The following PI4KA variants were observed in gnomAD, a reference collection of about 807,000 sequenced individuals.
PI4KA encodes phosphatidylinositol 4-kinase alpha.
Under a neutral mutation model 271.4 loss-of-function variants are expected in PI4KA, and 122 were observed. That is an observed-to-expected ratio of 0.45 (90% CI 0.39 to 0.52). The LOEUF (loss-of-function observed/expected upper bound fraction) is 0.52, where lower values mean the gene tolerates loss of function less well. PI4KA is among the 20% of genes least tolerant of loss of function. The probability of loss-of-function intolerance (pLI) is 0.00; values close to 1 mark genes in which losing one functional copy is unlikely to be tolerated. For missense variants in PI4KA, 1,969 were observed against 2,769.1 expected (o/e 0.71, Z 6.48); for synonymous variants, 1,041 against 1,078.8 (o/e 0.96, Z 0.69).
intron 4 of PI4KA, among the ~76,000 whole-genome samples, chr22:20,823,840 C>G (rs1923027436): frequency 6.6e-6 from 1 of 152,036 alleles, no homozygotes; most frequent in African/African-American, 2.4e-5. Flanking sequence ...ACTTGGGAGT[C>G]TTAGGAGGGA....
At chr22:20,775,194 G>GAA (rs797021350) in intron 19 of PI4KA, among the ~76,000 whole-genome samples, 2 of 138,806 alleles carry the variant, frequency 1.4e-5, no homozygotes, top group Non-Finnish European at 3.1e-5. Flanking sequence ...AAGTTCCCAG[G>GAA]AAAAAAAAAA....
In PI4KA at chr22:20,729,993, C is replaced by T; in HGVS notation, c.4307G>A (p.Ser1436Asn). ...AGAGCCGACAGTTATGTCCAGGTTG[C>T]TCCGGGTGTCCTGATTATCTGAGGG... ...LVPPDNQDTR[S>N]NLDITVGSRQ... is the part of the protein sequence containing the mutation. The change falls in exon 37 of 55, where the codon AGC becomes AAC. Residue 1436 changes from serine to asparagine, a missense_variant. Physicochemically the swap from Ser to Asn is conservative, Grantham distance 46. This residue lies in a region of PI4KA where 23 missense variants were observed against 23.2 expected (regional missense o/e 0.99). Transcript: ENST00000255882. 6.2e-7 allele frequency: 1 copy of T among 1,614,164 alleles called. No homozygotes were observed. Among genetic ancestry groups the T allele is most frequent in the South Asian group, 1.1e-5 (1 of 91,084 alleles).
intron 3 of PI4KA, among the ~76,000 whole-genome samples, chr22:20,831,559 C>A (rs1924163989): frequency 6.6e-6 from 1 of 151,966 alleles, no homozygotes; most frequent in African/African-American, 2.4e-5. Flanking sequence ...TGGAGTGAGA[C>A]TCTTTCTCAA....
At chr22:20,725,717 G>GA in intron 42 of PI4KA, 1 of 286,318 alleles carries the variant, frequency 3.5e-6, no homozygotes, top group Non-Finnish European at 7.4e-6. Flanking sequence ...ACAACATAGC[G>GA]AAACTCCATC....
intron 12 of PI4KA, among the ~76,000 whole-genome samples, chr22:20,803,808 G>A (rs983101999): frequency 6.6e-5 from 10 of 152,178 alleles, no homozygotes; most frequent in East Asian, 1.9e-4. Context: ...GTGAGCAACC[G>A]TACCTGGCCA....
chr22:20,798,977 T>C lies in PI4KA; in HGVS notation c.2004+116A>G, dbSNP rs1194637063. 7.2e-6 allele frequency: 6 copies of C among 837,120 alleles called. No individual in the cohort carries two copies. The East Asian group carries it at 1.6e-4, about 22-fold the overall frequency. The allele number at this position is 837,120 out of a possible 1,614,324, so 51.9% of individuals were successfully genotyped here. On this transcript the variant is annotated intron_variant, in intron 16 of 54. Transcript: ENST00000255882. ...TTACTACTCCGCATTAAAACCGTTG[T>C]CAGCATTTAGCTCATCTGCAAGGTA...
At chr22:20,819,397 G>A (rs1163733012) in intron 6 of PI4KA, among the ~76,000 whole-genome samples, 1 of 151,142 alleles carries the variant, frequency 6.6e-6, no homozygotes, top group African/African-American at 2.4e-5. Context: ...TTTTTTAGAG[G>A]CCTTTTGTGG....
chr22:20,733,726 G>C lies in PI4KA; in HGVS notation c.4160+10C>G. ...CCCTGGACGCTGCACAGCACATCTT[G>C]GGGGAGTACCTGAAGTAGTCAAAGG... On this transcript the variant is annotated intron_variant, in intron 35 of 54. Coordinates refer to ENST00000255882, the MANE Select transcript of PI4KA (RefSeq NM_058004.4). 4 of 1,613,858 alleles carry C rather than the reference G, an allele frequency of 2.5e-6. No homozygotes were observed. The highest frequency in any genetic ancestry group is 3.4e-6 in the Non-Finnish European group (4 of 1,179,852).
chr22:20,758,464 T>C (rs796239532), intron 23 of PI4KA, among the ~76,000 whole-genome samples: 12 of 146,922 alleles, frequency 8.2e-5, no homozygotes, highest in Non-Finnish European at 1.7e-4. Context: ...CTTTTCTTTT[T>C]TTTTTTTTTT....
At chr22:20,747,186 G>C (rs1370928825) in intron 29 of PI4KA, among the ~76,000 whole-genome samples, 1 of 152,180 alleles carries the variant, frequency 6.6e-6, no homozygotes, top group African/African-American at 2.4e-5. Flanking sequence ...GTGCGGTTCA[G>C]CACCTGCAGA....
At chr22:20,823,332 T>C (rs1220684462) in intron 4 of PI4KA, among the ~76,000 whole-genome samples, 1 of 152,178 alleles carries the variant, frequency 6.6e-6, no homozygotes, top group Non-Finnish European at 1.5e-5. Flanking sequence ...TAAAAACACA[T>C]TATTCTAACA....
chr22:20,737,124 G>T (rs1215687267), intron 32 of PI4KA, among the ~76,000 whole-genome samples: 1 of 152,204 alleles, frequency 6.6e-6, no homozygotes, highest in Non-Finnish European at 1.5e-5. Flanking sequence ...AGGAGTGACT[G>T]GGCTGGGTAA....
chr22:20,819,613 T>C (rs768530404), intron 6 of PI4KA, 28 bp downstream of exon 6: 25 of 1,602,632 alleles, frequency 1.6e-5, no homozygotes, highest in Non-Finnish European at 2.1e-5. Flanking sequence ...CTTTCTCCTC[T>C]GCTCTTTCCC....
chr22:20,714,605 G>T (rs377276811), intron 46 of PI4KA, 23 bp downstream of exon 46: 2 of 1,613,808 alleles, frequency 1.2e-6, no homozygotes, highest in East Asian at 4.5e-5. Flanking sequence ...GGAAGTGGGG[G>T]ATGGGTAGGG....
At chr22:20,851,607 G>A (rs1347109307) in intron 1 of PI4KA, among the ~76,000 whole-genome samples, 2 of 152,130 alleles carry the variant, frequency 1.3e-5, no homozygotes, top group Admixed American at 1.3e-4. Flanking sequence ...CAAAGTGCTG[G>A]GATTACAGGC....
intron 5 of PI4KA, 56 bp from the exon 6 acceptor site, chr22:20,819,956 T>A: frequency 7.0e-7 from 1 of 1,422,938 alleles, no homozygotes; most frequent in Non-Finnish European, 9.8e-7. Context: ...TAGAGTCATA[T>A]AGTAAGTACT....
At position 20,727,281 on chromosome 22, in the gene PI4KA, C is replaced by A. The variant is rs150307649; in HGVS notation, c.4890G>T (p.Pro1630=). The change falls in exon 41 of 55, where the codon CCG becomes CCT. Residue 1630 remains proline (P), a synonymous_variant. Coordinates refer to ENST00000255882, the MANE Select transcript of PI4KA (RefSeq NM_058004.4). ...CCCCGTACTGCGCCGTGAGAGGGTG[C>A]GGCGGGTACATGCTGGAGAAGTAGG... ...GLSYFSSMYP[P]HPLTAQYGVK... The A allele has an allele frequency of 5.0e-6, 8 of 1,613,090 alleles. No individual in the cohort carries two copies. The highest frequency in any genetic ancestry group is 6.8e-6 in the Non-Finnish European group (8 of 1,179,876).
rs1205619465 is a variant in PI4KA at position 20,858,781 on chromosome 22, C to T, written c.-56G>A. On this transcript the variant is annotated 5_prime_UTR_variant, in exon 1 of 55. Coordinates refer to ENST00000255882, the MANE Select transcript of PI4KA (RefSeq NM_058004.4). ...CTCCCCGCTCCTGGCCCGCGAGCGC[C>T]CGACCTCAGGGCGCAGGCGTAGGTG... 1.5e-6 allele frequency: 2 copies of T among 1,367,676 alleles called. No homozygotes were observed. Among genetic ancestry groups the T allele is most frequent in the Admixed American group, 3.0e-5 (1 of 33,172 alleles). The allele number at this position is 1,367,676 out of a possible 1,614,324, so 84.7% of individuals were successfully genotyped here.
At chr22:20,815,276 G>C (rs954488122) in intron 7 of PI4KA, among the ~76,000 whole-genome samples, 1 of 151,104 alleles carries the variant, frequency 6.6e-6, no homozygotes, top group Non-Finnish European at 1.5e-5. Flanking sequence ...AGCTACTTGG[G>C]AGGCTGAGGC....
Sources: allele counts gnomAD v4.1 joint callset (sites outside exome capture counted in the v4.1 genomes callset), GRCh38; gene constraint gnomAD v4.1.1; regional missense constraint gnomAD v4.1.1; transcripts MANE v1.5; gene names NCBI Gene and HGNC (gene_info 2026-07-23, HGNC 2026-07-21).